ASB3: variants seen among roughly 807,000 people sequenced by gnomAD.
The protein encoded by ASB3 is ankyrin repeat and SOCS box containing 3, also known as ankyrin repeat and SOCS box protein 3.
ASB3 carries 41 observed loss-of-function variants against 54.5 expected under a neutral mutation model. The observed-to-expected ratio is 0.75, with a 90% CI of 0.59 to 0.98. ASB3 has a LOEUF of 0.98. Among genes scored for constraint, ASB3 ranks in the 50% least tolerant of loss-of-function variants. ASB3 has a pLI of 0.00. For synonymous variants in ASB3, 266 were observed against 221.2 expected (o/e 1.20, Z -1.80); for missense variants, 733 against 620.0 (o/e 1.18, Z -1.94).
intron 2 of ASB3, among the ~76,000 whole-genome samples, chr2:53,756,282 G>A (rs1176109276): frequency 4.6e-5 from 7 of 152,170 alleles, no homozygotes; most frequent in African/African-American, 1.7e-4. Context: ...AGTCTCTGAA[G>A]AGACCCATCA....
At chr2:53,779,202 C>T (rs1315958351) in intron 1 of ASB3, among the ~76,000 whole-genome samples, 2 of 152,230 alleles carry the variant, frequency 1.3e-5, no homozygotes, top group South Asian at 2.1e-4. Context: ...AATGTCTATA[C>T]AGGTTCCTTG....
intron 1 of ASB3, chr2:53,768,145 G>A (rs986811028): frequency 1.8e-6 from 2 of 1,132,854 alleles, no homozygotes; most frequent in East Asian, 2.6e-5. Flanking sequence ...CACATGGCTT[G>A]GGGTAACATT....
chr2:53,706,635 C>T lies in ASB3; in HGVS notation c.981-6107G>A, dbSNP rs576808681. On this transcript the variant is annotated intron_variant, in intron 7 of 9. Coordinates refer to ENST00000263634, the MANE Select transcript of ASB3 (RefSeq NM_016115.5). ...TAATTTTTTGTATTTTTAGGAGAGACGGGGTTTCAGCATGTTAGCCAGGAT... is the reference window on the plus strand; with the variant it reads ...TAATTTTTTGTATTTTTAGGAGAGATGGGGTTTCAGCATGTTAGCCAGGAT... Among the ~76,000 whole-genome samples, 3 of 152,018 alleles carry T rather than the reference C, an allele frequency of 2.0e-5. No individual in the cohort carries two copies. The East Asian group carries it at 5.8e-4, about 30-fold the overall frequency.
At chr2:53,695,791 G>C (rs953198019) in intron 8 of ASB3, among the ~76,000 whole-genome samples, 1 of 152,058 alleles carries the variant, frequency 6.6e-6, no homozygotes, top group Non-Finnish European at 1.5e-5. Flanking sequence ...ATTAAATGGG[G>C]GTGGGGTGCG....
At chr2:53,690,645 T>C (rs1461538482) in intron 9 of ASB3, among the ~76,000 whole-genome samples, 1 of 152,060 alleles carries the variant, frequency 6.6e-6, no homozygotes, top group African/African-American at 2.4e-5. Flanking sequence ...AACAGACAAG[T>C]ATCAAATTCC....
rs549614196 is a variant in ASB3, at chr2:53,670,447, T to C, written c.*56A>G. 7.7e-6 allele frequency: 12 copies of C among 1,565,476 alleles called. No homozygotes were observed. The highest frequency in any genetic ancestry group is 1.2e-5 in the South Asian group (1 of 83,924). On this transcript the variant is annotated 3_prime_UTR_variant, in exon 10 of 10. Transcript: ENST00000263634. ...TAAAAACTTGTACTCTGTGGCTCTT[T>C]TGTCTCGATGATTTTTCAGAGAAAA... is the stretch of plus-strand genomic sequence containing the variant.
intron 8 of ASB3, chr2:53,694,223 A>G (rs888230298): frequency 5.4e-5 from 27 of 497,956 alleles, no homozygotes; most frequent in Non-Finnish European, 8.3e-5. Flanking sequence ...TTGACTTTCT[A>G]TGTAGCTGTC....
chr2:53,741,606 G>A (rs1215696597), intron 3 of ASB3, among the ~76,000 whole-genome samples: 1 of 152,072 alleles, frequency 6.6e-6, no homozygotes, highest in African/African-American at 2.4e-5. Context: ...TATGGACTGG[G>A]GTTGAGGGAG....
At chr2:53,779,593 T>C (rs1307785944) in intron 1 of ASB3, among the ~76,000 whole-genome samples, 10 of 152,128 alleles carry the variant, frequency 6.6e-5, no homozygotes, top group Non-Finnish European at 1.5e-4. Context: ...TGTGCCACCA[T>C]GCCTGGCTAA....
Position 53,707,108 on chromosome 2 carries a change from C to T in ASB3, c.981-6580G>A, listed in dbSNP as rs1398289747. ...AATTCTCTATACCACTGCCATGCAGCGGACTTTTCTGTGATGATGTGCTAT... is the reference window on the plus strand; with the variant it reads ...AATTCTCTATACCACTGCCATGCAGTGGACTTTTCTGTGATGATGTGCTAT... On this transcript the variant is annotated intron_variant, in intron 7 of 9. Transcript: ENST00000263634. 7.9e-5 allele frequency among the ~76,000 whole-genome samples: 12 copies of T among 152,338 alleles called. No individual in the cohort carries two copies. In the South Asian group the frequency reaches 1.9e-3, roughly 24 times the overall value.
intron 8 of ASB3, among the ~76,000 whole-genome samples, chr2:53,696,525 T>C (rs894247497): frequency 2.6e-5 from 4 of 152,172 alleles, no homozygotes; most frequent in African/African-American, 4.8e-5. Context: ...AGGCAATGTT[T>C]GATTTTTTCC....
intron 9 of ASB3, among the ~76,000 whole-genome samples, chr2:53,691,680 G>C (rs1668920742): frequency 1.3e-5 from 2 of 152,108 alleles, no homozygotes; most frequent in South Asian, 4.1e-4. Context: ...TACAGAAATT[G>C]AGTATCCTAA....
intron 2 of ASB3, among the ~76,000 whole-genome samples, chr2:53,753,761 C>A (rs529983126): frequency 3.6e-4 from 54 of 151,826 alleles, no homozygotes; most frequent in African/African-American, 1.2e-3. Context: ...TTCAGCCTCC[C>A]GAGTAGCTGG....
In ASB3 at chr2:53,728,722, A is replaced by C; in HGVS notation, c.594T>G (p.Leu198=). ...QYGKLESLSI[L]ISSGANVNCQ... is the part of the protein sequence containing the mutation. Reference sequence around the variant, plus strand: ...AATGGATAATCTTACCCGATGAAATAAGTATGCTCAAGCTTTCTAGCTTGC... The same window carrying C: ...AATGGATAATCTTACCCGATGAAATCAGTATGCTCAAGCTTTCTAGCTTGC... The change falls in exon 5 of 10, where the codon CTT becomes CTG. Residue 198 remains leucine, a synonymous_variant. Coordinates refer to ENST00000263634, the MANE Select transcript of ASB3 (RefSeq NM_016115.5). The C allele has an allele frequency of 1.2e-6, 2 of 1,604,952 alleles. No individual in the cohort carries two copies. Among genetic ancestry groups the C allele is most frequent in the Non-Finnish European group, 1.7e-6 (2 of 1,175,772 alleles).
chr2:53,759,862 C>A (rs765774537), intron 2 of ASB3, among the ~76,000 whole-genome samples: 2 of 152,064 alleles, frequency 1.3e-5, no homozygotes, highest in Non-Finnish European at 2.9e-5. Flanking sequence ...TGAGGGTGTC[C>A]GGGGCAAGCA....
intron 6 of ASB3, among the ~76,000 whole-genome samples, chr2:53,716,073 C>T (rs1670371138): frequency 6.6e-6 from 1 of 152,014 alleles, no homozygotes; most frequent in South Asian, 2.1e-4. Context: ...TCTAAGATTC[C>T]TGGAACCCCC....
chr2:53,692,878 G>T (rs1261455764), intron 9 of ASB3, among the ~76,000 whole-genome samples: 1 of 152,084 alleles, frequency 6.6e-6, no homozygotes, highest in African/African-American at 2.4e-5. Flanking sequence ...TATCATTAAA[G>T]AAATTCTATA....
At chr2:53,723,694 C>A (rs1296554267) in intron 5 of ASB3, among the ~76,000 whole-genome samples, 1 of 152,142 alleles carries the variant, frequency 6.6e-6, no homozygotes, top group African/African-American at 2.4e-5. Context: ...TACTTTAAGG[C>A]TACAGTAACC....
intron 3 of ASB3, among the ~76,000 whole-genome samples, chr2:53,737,069 A>C (rs936454850): frequency 6.6e-6 from 1 of 152,232 alleles, no homozygotes; most frequent in African/African-American, 2.4e-5. Context: ...TCAGAATTAT[A>C]CTTTGGGATA....
Sources: gnomAD v4.1 joint callset for allele counts (sites outside exome capture counted in the v4.1 genomes callset) on GRCh38, gnomAD v4.1.1 for gene constraint, MANE v1.5 for transcripts, NCBI Gene and HGNC (gene_info 2026-07-23, HGNC 2026-07-21) for gene names.